The following BBS9 variants were observed in gnomAD, a reference collection of about 807,000 sequenced individuals.
BBS9 encodes protein PTHB1.
BBS9 carries 89 observed loss-of-function variants against 117.7 expected under a neutral mutation model. That is an observed-to-expected ratio of 0.76 (90% CI 0.64 to 0.90). BBS9 has a LOEUF of 0.90. Ranked by LOEUF, BBS9 falls within the 40% of genes least tolerant of loss-of-function variation. The pLI is 0.00. For synonymous variants in BBS9, 379 were observed against 370.9 expected (o/e 1.02, Z -0.25); for missense variants, 982 against 1,042.2 (o/e 0.94, Z 0.80).
chr7:33,140,773 T>C (rs932685060), intron 1 of BBS9, among the ~76,000 whole-genome samples: 4 of 152,232 alleles, frequency 2.6e-5, no homozygotes, highest in Non-Finnish European at 5.9e-5. Context: ...TATGGTTATA[T>C]AATGTCATTA....
At chr7:33,592,077 C>G (rs1323646533) in intron 21 of BBS9, among the ~76,000 whole-genome samples, 1 of 152,118 alleles carries the variant, frequency 6.6e-6, no homozygotes, top group African/African-American at 2.4e-5. Flanking sequence ...CACCACTGGT[C>G]TACTTACTCC....
intron 19 of BBS9, among the ~76,000 whole-genome samples, chr7:33,473,329 A>AC (rs1309832048): frequency 4.9e-5 from 2 of 40,430 alleles, no homozygotes; most frequent in East Asian, 7.8e-4. Context: ...CCACCCCCTC[A>AC]CCCCCCCGCC....
chr7:33,565,305 A>G (rs953043170), intron 21 of BBS9, among the ~76,000 whole-genome samples: 3 of 151,858 alleles, frequency 2.0e-5, no homozygotes, highest in African/African-American at 7.3e-5. Context: ...AGCCATTCCT[A>G]TGTTTGCTTA....
chr7:33,547,697 C>A (rs931005069), intron 21 of BBS9, among the ~76,000 whole-genome samples: 1 of 152,140 alleles, frequency 6.6e-6, no homozygotes. Context: ...ACAAGGCCAG[C>A]CATTTAGCAA....
intron 21 of BBS9, among the ~76,000 whole-genome samples, chr7:33,589,396 A>T (rs1219505561): frequency 6.6e-6 from 1 of 152,140 alleles, no homozygotes; most frequent in Non-Finnish European, 1.5e-5. Flanking sequence ...TTTTTATTTA[A>T]TATTTCAGAC....
chr7:33,424,990 C>T (rs529993452), intron 19 of BBS9, among the ~76,000 whole-genome samples: 3 of 151,998 alleles, frequency 2.0e-5, no homozygotes, highest in Non-Finnish European at 4.4e-5. Flanking sequence ...CCTCTTCTTC[C>T]CCTAAAGTAT....
chr7:33,215,579 A>C (rs1181584224), intron 5 of BBS9, among the ~76,000 whole-genome samples: 1 of 152,192 alleles, frequency 6.6e-6, no homozygotes, highest in South Asian at 2.1e-4. Context: ...CTGGAGAAAC[A>C]TTTTGGGAGA....
At chr7:33,259,698 G>A (rs1484357777) in intron 6 of BBS9, among the ~76,000 whole-genome samples, 2 of 152,054 alleles carry the variant, frequency 1.3e-5, no homozygotes, top group Non-Finnish European at 1.5e-5. Flanking sequence ...CTGAGGGTAA[G>A]GGTAAGGGCT....
intron 4 of BBS9, among the ~76,000 whole-genome samples, chr7:33,164,081 G>A (rs1345793451): frequency 2.0e-5 from 3 of 152,028 alleles, no homozygotes; most frequent in Admixed American, 6.6e-5. Context: ...CCTTCATTTC[G>A]TTATGTACCC....
At chr7:33,401,851 AG>A (rs1355838147) in intron 19 of BBS9, among the ~76,000 whole-genome samples, 1 of 152,220 alleles carries the variant, frequency 6.6e-6, no homozygotes, top group Admixed American at 6.5e-5. Flanking sequence ...CACAAGAGAC[AG>A]CTTTGCAGGG....
At chr7:33,536,681 T>TGCCTTCCCCCCGCCCCCCGCCTA (rs1851435635) in intron 21 of BBS9, among the ~76,000 whole-genome samples, 6 of 44,292 alleles carry the variant, frequency 1.4e-4, no homozygotes, top group Middle Eastern at 0.015. Context: ...GATTCGGCCT[T>TGCCTTCCCCCCGCCCCCCGCCTA]CCCCCCGCCC....
intron 21 of BBS9, among the ~76,000 whole-genome samples, chr7:33,547,054 C>T (rs1054691662): frequency 7.2e-5 from 11 of 152,012 alleles, no homozygotes; most frequent in South Asian, 6.2e-4. Context: ...ATTATAGACT[C>T]GTGGGAAGAT....
At chr7:33,603,688 C>T (rs1381428938) in intron 21 of BBS9, among the ~76,000 whole-genome samples, 1 of 152,040 alleles carries the variant, frequency 6.6e-6, no homozygotes, top group Non-Finnish European at 1.5e-5. Context: ...GGGTAAGGCC[C>T]TTGTCATTTT....
chr7:33,316,017 G>A (rs986570695), intron 9 of BBS9, among the ~76,000 whole-genome samples: 24 of 151,864 alleles, frequency 1.6e-4, no homozygotes, highest in Non-Finnish European at 3.1e-4. Context: ...ATGCACTTTT[G>A]ACAAATGGTT....
chr7:33,364,967 G>A (rs1048326506), intron 16 of BBS9, among the ~76,000 whole-genome samples: 1 of 151,816 alleles, frequency 6.6e-6, no homozygotes, highest in African/African-American at 2.4e-5. Flanking sequence ...GAGCTCAAAT[G>A]ATGTGCCTGC....
intron 5 of BBS9, among the ~76,000 whole-genome samples, chr7:33,178,799 AT>A (rs2128166022): frequency 6.6e-6 from 1 of 151,958 alleles, no homozygotes; most frequent in Non-Finnish European, 1.5e-5. Flanking sequence ...TTATTAATAC[AT>A]ACAGATAAAG....
chr7:33,171,771 A>G (rs1796614039), intron 4 of BBS9, among the ~76,000 whole-genome samples: 1 of 152,154 alleles, frequency 6.6e-6, no homozygotes. Context: ...TATTTAATTT[A>G]ATATAACATG....
intron 19 of BBS9, among the ~76,000 whole-genome samples, chr7:33,423,114 C>T (rs1833107750): frequency 6.6e-6 from 1 of 152,074 alleles, no homozygotes; most frequent in African/African-American, 2.4e-5. Flanking sequence ...AGAAAGTCAG[C>T]CAAATTGGAA....
At chr7:33,449,560 C>T (rs977928815) in intron 19 of BBS9, among the ~76,000 whole-genome samples, 6 of 151,946 alleles carry the variant, frequency 3.9e-5, no homozygotes, top group Non-Finnish European at 7.4e-5. Flanking sequence ...CTTGGGATGG[C>T]CTGAAGGTTT....
Sources: allele counts gnomAD v4.1 joint callset (sites outside exome capture counted in the v4.1 genomes callset), GRCh38; gene constraint gnomAD v4.1.1; transcripts MANE v1.5; gene names NCBI Gene and HGNC (gene_info 2026-07-23, HGNC 2026-07-21).